Variants in OPCML observed in about 807,000 individuals in gnomAD.
OPCML encodes opioid binding protein/cell adhesion molecule like, also known as opioid-binding protein/cell adhesion molecule.
Under a neutral mutation model 37.8 loss-of-function variants are expected in OPCML, and 13 were observed. The ratio of observed to expected loss-of-function variants is 0.34; its 90% CI spans 0.22 to 0.55. The LOEUF is 0.55. OPCML is among the 20% of genes least tolerant of loss of function. OPCML has a pLI of 0.91. For missense variants in OPCML, 341 were observed against 435.6 expected (o/e 0.78, Z 1.93); for synonymous variants, 176 against 168.8 (o/e 1.04, Z -0.33).
chr11:132,476,557 G>A (rs960209197), intron 4 of OPCML, among the ~76,000 whole-genome samples: 1 of 152,008 alleles, frequency 6.6e-6, no homozygotes, highest in Non-Finnish European at 1.5e-5. Context: ...GGATGAAGCT[G>A]GAAACCATCA....
chr11:133,118,618 C>G (rs997654388), intron 1 of OPCML, among the ~76,000 whole-genome samples: 1 of 151,904 alleles, frequency 6.6e-6, no homozygotes, highest in Non-Finnish European at 1.5e-5. Flanking sequence ...ACAAGATGCT[C>G]TCTTCTCACA....
At chr11:132,442,728 A>T (rs2096040430) in intron 4 of OPCML, among the ~76,000 whole-genome samples, 1 of 152,182 alleles carries the variant, frequency 6.6e-6, no homozygotes, top group South Asian at 2.1e-4. Context: ...AAGAAGTCTT[A>T]TGAGATCTGA....
intron 2 of OPCML, among the ~76,000 whole-genome samples, chr11:132,866,647 T>C (rs1467958117): frequency 6.6e-6 from 1 of 152,246 alleles, no homozygotes; most frequent in African/African-American, 2.4e-5. Context: ...GTTTAGTTTT[T>C]ACTAACATTG....
intron 1 of OPCML, among the ~76,000 whole-genome samples, chr11:133,517,354 TG>T (rs1477180099): frequency 3.9e-5 from 6 of 152,236 alleles, no homozygotes; most frequent in Non-Finnish European, 7.3e-5. Flanking sequence ...ATGCCTAAAA[TG>T]GTTTTTGTAA....
chr11:132,455,398 G>A (rs1354273714), intron 4 of OPCML, among the ~76,000 whole-genome samples: 1 of 152,100 alleles, frequency 6.6e-6, no homozygotes, highest in African/African-American at 2.4e-5. Context: ...TGTCCCTGTG[G>A]GACTGGATGG....
rs368600878 is a variant in OPCML at position 132,901,801 on chromosome 11, C to A, written c.146+41125G>T. ...GGAAAAAGAAATGACAGTTTTCAGG[C>A]ATGCCAAGTAGATTACTCAAATGCA... is the stretch of plus-strand genomic sequence containing the variant. On this transcript the variant is annotated intron_variant, in intron 2 of 7. Transcript: ENST00000524381. Among the ~76,000 whole-genome samples, 14 of 152,290 alleles carry A rather than the reference C, an allele frequency of 9.2e-5. No homozygotes were observed. In the East Asian group the frequency reaches 1.9e-3, roughly 21 times the overall value.
At chr11:133,171,893 C>T (rs951792788) in intron 1 of OPCML, among the ~76,000 whole-genome samples, 9 of 152,112 alleles carry the variant, frequency 5.9e-5, no homozygotes, top group Non-Finnish European at 1.2e-4. Context: ...GGGGCTGGAA[C>T]CTAGGTACTG....
At chr11:133,267,889 G>T (rs1021810641) in intron 1 of OPCML, among the ~76,000 whole-genome samples, 2 of 152,112 alleles carry the variant, frequency 1.3e-5, no homozygotes, top group Admixed American at 1.3e-4. Flanking sequence ...GCATGGTTGG[G>T]AGGCCTCCCC....
At chr11:132,491,924 ATTTTTT>A (rs780995319) in intron 4 of OPCML, among the ~76,000 whole-genome samples, 3 of 133,262 alleles carry the variant, frequency 2.3e-5, no homozygotes, top group Admixed American at 7.7e-5. Flanking sequence ...GACATACCTA[ATTTTTT>A]TTTTTTTTTT....
intron 1 of OPCML, among the ~76,000 whole-genome samples, chr11:133,017,581 G>A (rs1222062837): frequency 6.6e-6 from 1 of 152,062 alleles, no homozygotes; most frequent in African/African-American, 2.4e-5. Context: ...TAGAGACAGG[G>A]TTTCTCCATG....
chr11:132,561,405 G>T lies in OPCML; in HGVS notation c.380-32219C>A, dbSNP rs577882419. ...AGGATGATAAAACCCTTTCCAGTTG[G>T]CCCCTGCCTGTCTCCACTGACTCAT... On this transcript the variant is annotated intron_variant, in intron 3 of 7. Coordinates refer to ENST00000524381, the MANE Select transcript of OPCML (RefSeq NM_001012393.5). 2.5e-4 allele frequency among the ~76,000 whole-genome samples: 38 copies of T among 152,230 alleles called. No individual in the cohort carries two copies. In the Middle Eastern group the frequency reaches 0.01, roughly 41 times the overall value.
intron 2 of OPCML, among the ~76,000 whole-genome samples, chr11:132,864,119 G>A (rs1942423076): frequency 6.6e-6 from 1 of 151,788 alleles, no homozygotes; most frequent in Non-Finnish European, 1.5e-5. Flanking sequence ...TATATTTTTA[G>A]TAGAGACGGG....
chr11:133,447,533 C>T (rs1333927160), intron 1 of OPCML, among the ~76,000 whole-genome samples: 1 of 152,156 alleles, frequency 6.6e-6, no homozygotes, highest in African/African-American at 2.4e-5. Context: ...CCCTTCTCCC[C>T]CAATGACTTC....
Position 132,554,928 on chromosome 11 carries a change from C to T in OPCML, c.380-25742G>A, listed in dbSNP as rs749506710. Among the ~76,000 whole-genome samples the T allele has an allele frequency of 2.0e-4, 22 of 111,788 alleles. No homozygotes were observed. The Middle Eastern group carries it at 0.044, about 226-fold the overall frequency. 73.3% of individuals were successfully genotyped at this position (111,788 alleles called of 152,430 possible). A position where few individuals can be genotyped will look rare whatever the true frequency, so the allele number is the denominator to read the frequency against. ...TGGTTAGATAGACCTAGATCTGAGA[C>T]GTAGAGTTTCTGAAAGTTTCTGTTT... On this transcript the variant is annotated intron_variant, in intron 3 of 7. Coordinates refer to ENST00000524381, the MANE Select transcript of OPCML (RefSeq NM_001012393.5).
chr11:132,776,007 G>A (rs1398445420), intron 2 of OPCML, among the ~76,000 whole-genome samples: 1 of 152,160 alleles, frequency 6.6e-6, no homozygotes, highest in Non-Finnish European at 1.5e-5. Flanking sequence ...TCTCATCACT[G>A]CAAGCTTTGC....
At chr11:132,527,222 C>G (rs1408387751) in intron 4 of OPCML, among the ~76,000 whole-genome samples, 1 of 152,142 alleles carries the variant, frequency 6.6e-6, no homozygotes, top group Non-Finnish European at 1.5e-5. Context: ...TGAGCATATG[C>G]TTTCATTTAT....
chr11:132,570,525 T>G (rs2096434692), intron 3 of OPCML, among the ~76,000 whole-genome samples: 1 of 151,858 alleles, frequency 6.6e-6, no homozygotes, highest in Admixed American at 6.6e-5. Flanking sequence ...CTAAAATACT[T>G]AAAGGTAGCC....
intron 2 of OPCML, among the ~76,000 whole-genome samples, chr11:132,661,911 A>C (rs547638438): frequency 5.1e-4 from 77 of 152,340 alleles, no homozygotes; most frequent in South Asian, 4.6e-3. Flanking sequence ...ATAAGAAAAA[A>C]GGAAAGCTAT....
chr11:133,248,287 T>C (rs184842914), intron 1 of OPCML, among the ~76,000 whole-genome samples: 4 of 152,248 alleles, frequency 2.6e-5, no homozygotes, highest in Admixed American at 1.3e-4. Flanking sequence ...ATGGACACAT[T>C]AGTGGAGTTA....
Sources: allele counts gnomAD v4.1 joint callset (sites outside exome capture counted in the v4.1 genomes callset), GRCh38; gene constraint gnomAD v4.1.1; transcripts MANE v1.5; gene names NCBI Gene and HGNC (gene_info 2026-07-23, HGNC 2026-07-21).